Variants in NSL1 observed in about 807,000 individuals in gnomAD.
NSL1 encodes the protein kinetochore-associated protein NSL1 homolog.
Under a neutral mutation model 25.4 loss-of-function variants are expected in NSL1, and 11 were observed. That is an observed-to-expected ratio of 0.43 (90% CI 0.27 to 0.72). The LOEUF is 0.72. NSL1 is among the 30% of genes least tolerant of loss of function. The pLI is 0.19. For synonymous variants in NSL1, 118 were observed against 120.6 expected (o/e 0.98, Z 0.14); for missense variants, 330 against 342.7 (o/e 0.96, Z 0.29).
In NSL1 at chr1:212,738,262, GCA is replaced by G; in HGVS notation, c.*144_*145del. On this transcript the variant is annotated 3_prime_UTR_variant, in exon 6 of 6. Transcript: ENST00000366977. ...AAATACAATATTATATCATATCCCC[GCA>G]CAGAGATACTATATCTGTATAAATG... The G allele has an allele frequency of 1.4e-6, 2 of 1,410,286 alleles. No individual in the cohort carries two copies. Among genetic ancestry groups the G allele is most frequent in the South Asian group, 1.6e-5 (1 of 61,452 alleles). 87.4% of individuals were successfully genotyped at this position (1,410,286 alleles called of 1,614,324 possible).
At chr1:212,778,909 G>T (rs1571913286) in intron 4 of NSL1, among the ~76,000 whole-genome samples, 2 of 151,438 alleles carry the variant, frequency 1.3e-5, no homozygotes, top group African/African-American at 4.9e-5. Flanking sequence ...AGTCTGGAAA[G>T]TGAGGAGCGT....
Position 212,782,446 on chromosome 1 carries a change from AAACAG to A in NSL1, c.445-25_445-21del, listed in dbSNP as rs1558064164. 6.5e-7 allele frequency: 1 copy of A among 1,546,622 alleles called. No homozygotes were observed. The highest frequency in any genetic ancestry group is 2.2e-5 in the East Asian group (1 of 44,516). On this transcript the variant is annotated intron_variant, in intron 3 of 5. Transcript: ENST00000366977. Reference sequence around the variant, plus strand: ...CTGCTTCTAAACATAACATAAATTAAAACAGATTTAATCACTTAATGCTTCATATA... The same window carrying A: ...CTGCTTCTAAACATAACATAAATTAAATTTAATCACTTAATGCTTCATATA...
chr1:212,727,151 C>A lies in NSL1; in HGVS notation c.*11257G>T. 1 of 1,575,770 alleles carries A rather than the reference C, an allele frequency of 6.3e-7. No homozygotes were observed. The highest frequency in any genetic ancestry group is 1.2e-5 in the South Asian group (1 of 85,576). On this transcript the variant is annotated 3_prime_UTR_variant, in exon 6 of 6. Coordinates refer to ENST00000366977, the MANE Select transcript of NSL1 (RefSeq NM_015471.4). ...CCGATCCCCTTCTCTCCTAAACTGC[C>A]CCTAGAGCTAGTCCACCAGGCTTGG...
In NSL1 at chr1:212,731,044, C is replaced by T; in HGVS notation, c.*7364G>A. The T allele has an allele frequency of 1.0e-6, 1 of 985,270 alleles. No individual in the cohort carries two copies. The highest frequency in any genetic ancestry group is 1.2e-6 in the Non-Finnish European group (1 of 829,804). 61.0% of individuals were successfully genotyped at this position (985,270 alleles called of 1,614,324 possible). ...AAGGGATTCTTTACCCCTGAAGCTT[C>T]AAATGAATATAACATTAATTTTCTC... is the stretch of plus-strand genomic sequence containing the variant. On this transcript the variant is annotated 3_prime_UTR_variant, in exon 6 of 6. Coordinates refer to ENST00000366977, the MANE Select transcript of NSL1 (RefSeq NM_015471.4).
Position 212,736,049 on chromosome 1 carries a change from T to C in NSL1, c.*2359A>G. The stretch of plus-strand genomic sequence containing the variant: ...TAACCTTCTTGTGTTCTTCTTATTA[T>C]TATTTTGAAACAGGGTCTCACTCTG... On this transcript the variant is annotated 3_prime_UTR_variant, in exon 6 of 6. Transcript: ENST00000366977. 2.0e-6 allele frequency: 2 copies of C among 985,350 alleles called. No homozygotes were observed. Among genetic ancestry groups the C allele is most frequent in the Non-Finnish European group, 2.4e-6 (2 of 829,832 alleles). The allele number at this position is 985,350 out of a possible 1,614,324, so 61.0% of individuals were successfully genotyped here. A position where few individuals can be genotyped will look rare whatever the true frequency, so the allele number is the denominator to read the frequency against.
intron 4 of NSL1, among the ~76,000 whole-genome samples, chr1:212,771,611 C>CAAAAAAAA (rs57899487): frequency 1.6e-5 from 1 of 63,942 alleles, no homozygotes; most frequent in African/African-American, 4.7e-5. Flanking sequence ...AAGACTCCAC[C>CAAAAAAAA]AAAAAAAAAA....
Position 212,791,753 on chromosome 1 carries a change from G to C in NSL1, c.11C>G (p.Ser4Cys), listed in dbSNP as rs17856201. MAGSPELVVLDPPW... is the reference protein window; with the variant it reads MAGCPELVVLDPPW... Reference sequence around the variant, plus strand: ...AGGGTCAAGGACCACCAACTCAGGAGACCCCGCCATTTTTCGTCGGAACTG... The same window carrying C: ...AGGGTCAAGGACCACCAACTCAGGACACCCCGCCATTTTTCGTCGGAACTG... Residue 4 changes from serine to cysteine, a missense_variant, in exon 1 of 6, where the codon TCT (serine) becomes TGT (cysteine). Transcript: ENST00000366977. The C allele has an allele frequency of 1.0e-5, 16 of 1,604,534 alleles. No homozygotes were observed. The highest frequency in any genetic ancestry group is 1.1e-5 in the Non-Finnish European group (13 of 1,174,158).
intron 4 of NSL1, among the ~76,000 whole-genome samples, chr1:212,743,991 T>G (rs1352507275): frequency 1.3e-5 from 2 of 152,158 alleles, no homozygotes; most frequent in Non-Finnish European, 2.9e-5. Flanking sequence ...TTCACCTGAT[T>G]TGGAACTCTC....
rs537136804 is a variant in NSL1, at chr1:212,729,576, A to T, written c.*8832T>A. The T allele has an allele frequency of 2.6e-5, 26 of 985,324 alleles. No homozygotes were observed. The Middle Eastern group carries it at 1.6e-3, about 59-fold the overall frequency. 61.0% of individuals were successfully genotyped at this position (985,324 alleles called of 1,614,324 possible). A position where few individuals can be genotyped will look rare whatever the true frequency, so the allele number is the denominator to read the frequency against. ...ATTATTCTGCCAGTGTCATCCCCTCATTTCTACACTTCCTCAGGATCAGAG... is the reference window on the plus strand; with the variant it reads ...ATTATTCTGCCAGTGTCATCCCCTCTTTTCTACACTTCCTCAGGATCAGAG... On this transcript the variant is annotated 3_prime_UTR_variant, in exon 6 of 6. Transcript: ENST00000366977.
At chr1:212,782,284 T>C in intron 4 of NSL1, 88 bp downstream of exon 4, 1 of 914,116 alleles carries the variant, frequency 1.1e-6, no homozygotes, top group Middle Eastern at 2.1e-4. Context: ...AGAATATCCT[T>C]GATGCTGACC....
intron 5 of NSL1, among the ~76,000 whole-genome samples, chr1:212,739,167 T>C (rs149872514): frequency 6.6e-6 from 1 of 152,298 alleles, no homozygotes; most frequent in African/African-American, 2.4e-5. Flanking sequence ...ACAGTATCTG[T>C]CTCATAGGAT....
chr1:212,771,916 C>T (rs916574905), intron 4 of NSL1, among the ~76,000 whole-genome samples: 13 of 152,102 alleles, frequency 8.5e-5, no homozygotes, highest in African/African-American at 3.1e-4. Flanking sequence ...ATTGTAGCTC[C>T]CATAATTCCC....
At chr1:212,763,949 C>A in intron 4 of NSL1, 1 of 375,830 alleles carries the variant, frequency 2.7e-6, no homozygotes, top group South Asian at 2.1e-5. Context: ...GTTTACACAA[C>A]ATTCTTCCCA....
At chr1:212,749,773 G>A (rs566968046) in intron 4 of NSL1, among the ~76,000 whole-genome samples, 3 of 151,860 alleles carry the variant, frequency 2.0e-5, no homozygotes, top group Non-Finnish European at 4.4e-5. Context: ...GTTTTCTATC[G>A]GTTGCACAAG....
At chr1:212,746,194 T>C (rs974350165) in intron 4 of NSL1, among the ~76,000 whole-genome samples, 4 of 151,974 alleles carry the variant, frequency 2.6e-5, no homozygotes, top group Admixed American at 6.6e-5. Context: ...AAAAGACAAA[T>C]GCATCAAACA....
intron 2 of NSL1, among the ~76,000 whole-genome samples, chr1:212,785,579 G>C (rs1660907920): frequency 6.6e-6 from 1 of 152,030 alleles, no homozygotes; most frequent in Non-Finnish European, 1.5e-5. Flanking sequence ...CTATGAGTGA[G>C]AACATGCGGT....
At chr1:212,787,711 A>C (rs1661002472) in intron 1 of NSL1, 74 bp from the exon 2 acceptor site, 4 of 910,742 alleles carry the variant, frequency 4.4e-6, no homozygotes, top group Non-Finnish European at 6.8e-6. Context: ...TAGCAAAATA[A>C]TACTTCCAGA....
rs1297488543 is a variant in NSL1 at position 212,736,238 on chromosome 1, ATG to A, written c.*2168_*2169del. ...TTTTTTGTAGAAATGGAGTTTCACT[ATG>A]TTGCCCAGGCTGGGCTCAAGTAATC... On this transcript the variant is annotated 3_prime_UTR_variant, in exon 6 of 6. Transcript: ENST00000366977. 15 of 708,510 alleles carry A rather than the reference ATG, an allele frequency of 2.1e-5. 1 individual carries two copies. In the Admixed American group the frequency reaches 8.8e-4, roughly 42 times the overall value. The allele number at this position is 708,510 out of a possible 1,614,324, so 43.9% of individuals were successfully genotyped here.
chr1:212,789,558 T>G lies in NSL1; in HGVS notation c.235-1921A>C, dbSNP rs553790004. 1.2e-4 allele frequency among the ~76,000 whole-genome samples: 19 copies of G among 152,368 alleles called. No individual in the cohort carries two copies. The South Asian group carries it at 3.7e-3, about 30-fold the overall frequency. ...TTCTAGAATTACTTTCAAGAATTGC[T>G]GAGAAAACATATTGTCTTTGTAACA... On this transcript the variant is annotated intron_variant, in intron 1 of 5. Coordinates refer to ENST00000366977, the MANE Select transcript of NSL1 (RefSeq NM_015471.4).
Sources: gnomAD v4.1 joint callset for allele counts (sites outside exome capture counted in the v4.1 genomes callset) on GRCh38, gnomAD v4.1.1 for gene constraint, MANE v1.5 for transcripts, NCBI Gene and HGNC (gene_info 2026-07-23, HGNC 2026-07-21) for gene names.